Variants in PPP6C observed in about 807,000 individuals in gnomAD.
The protein encoded by PPP6C is serine/threonine-protein phosphatase 6 catalytic subunit.
Under a neutral mutation model 39.8 loss-of-function variants are expected in PPP6C, and 11 were observed. The ratio of observed to expected loss-of-function variants is 0.28; its 90% CI spans 0.17 to 0.46. The LOEUF (loss-of-function observed/expected upper bound fraction) is 0.46. PPP6C is among the 20% of genes least tolerant of loss of function. The probability of loss-of-function intolerance (pLI) is 1.00; values close to 1 mark genes in which losing one functional copy is unlikely to be tolerated. For missense variants in PPP6C, 211 were observed against 373.9 expected, an observed-to-expected ratio of 0.56 and a Z score of 3.59; for synonymous variants, 129 against 130.3, an observed-to-expected ratio of 0.99 and a Z score of 0.07.
chr9:125,151,753 A>T (rs749740484), intron 6 of PPP6C, among the ~76,000 whole-genome samples: 13 of 152,200 alleles, frequency 8.5e-5, no homozygotes, highest in Non-Finnish European at 1.8e-4. Flanking sequence ...AGAAAGAAGG[A>T]TTGAGATTAA....
At chr9:125,151,026 C>T (rs1467064106) in intron 6 of PPP6C, 1 of 1,373,322 alleles carries the variant, frequency 7.3e-7, no homozygotes, top group East Asian at 2.3e-5. Context: ...TCACCATGGA[C>T]CTACATGCTT....
chr9:125,178,529 G>A (rs1829354013), intron 1 of PPP6C, among the ~76,000 whole-genome samples: 1 of 151,980 alleles, frequency 6.6e-6, no homozygotes, highest in Non-Finnish European at 1.5e-5. Context: ...TTCTTTAAGG[G>A]ACAAACCAGG....
chr9:125,171,474 CACACATATATATATATATATATATAT>C (rs1422103195), intron 1 of PPP6C, among the ~76,000 whole-genome samples: 3 of 30,852 alleles, frequency 9.7e-5, no homozygotes, highest in Non-Finnish European at 2.0e-4. Flanking sequence ...CACACACACA[CACACATATATATATATATATATATAT>C]ATATATATAT....
chr9:125,160,886 C>T lies in PPP6C; in HGVS notation c.192G>A (p.Leu64=). Residue 64 remains leucine, a synonymous_variant, in exon 3 of 7, where the codon CTG becomes CTA. Transcript: ENST00000373547. Reference sequence around the variant, plus strand: ...CAGGAACCTGACCTCCAGTTCTGAACAGTTCACAAAGGTCATAAAACTATA... The same window carrying T: ...CAGGAACCTGACCTCCAGTTCTGAATAGTTCACAAAGGTCATAAAACTATA... ...IHGQFYDLCE[L]FRTGGQVPDT... 1.3e-6 allele frequency: 2 copies of T among 1,590,562 alleles called. No individual in the cohort carries two copies. The highest frequency in any genetic ancestry group is 1.7e-6 in the Non-Finnish European group (2 of 1,170,818).
intron 2 of PPP6C, 75 bp downstream of exon 2, chr9:125,171,010 A>G (rs927458882): frequency 2.0e-6 from 2 of 987,412 alleles, no homozygotes; most frequent in South Asian, 2.7e-5. Flanking sequence ...TGTTGTTTTA[A>G]TTTTGCAGCA....
chr9:125,167,396 AAAAGAAAT>A (rs1564152124), intron 2 of PPP6C, among the ~76,000 whole-genome samples: 39 of 143,568 alleles, frequency 2.7e-4, no homozygotes, highest in African/African-American at 6.1e-4. Flanking sequence ...AAAAAAAAAA[AAAAGAAAT>A]AAAAAAAAGG....
chr9:125,180,835 T>A (rs951844092), intron 1 of PPP6C, among the ~76,000 whole-genome samples: 13 of 152,220 alleles, frequency 8.5e-5, no homozygotes, highest in African/African-American at 3.1e-4. Flanking sequence ...CACTATGTGC[T>A]AGCCTGAAAA....
In PPP6C at chr9:125,153,685, G is replaced by A. The variant is rs772797626; in HGVS notation, c.517C>T (p.Leu173=). 1 of 1,614,150 alleles carries A rather than the reference G, an allele frequency of 6.2e-7. No individual in the cohort carries two copies. The highest frequency in any genetic ancestry group is 2.2e-5 in the East Asian group (1 of 44,886). ...CGTTCGATGGTTCGAATTTGATCCA[G>A]TGTTTTGATATCAGGAGATAAACCA... The part of the protein sequence containing the change: ...HGGLSPDIKT[L]DQIRTIERNQ... The change falls in exon 6 of 7, where the codon CTG becomes TTG. Residue 173 remains leucine (L), a synonymous_variant. Transcript: ENST00000373547.
At chr9:125,160,816 C>T (rs1256994631) in intron 3 of PPP6C, 25 bp downstream of exon 3, 2 of 1,494,550 alleles carry the variant, frequency 1.3e-6, no homozygotes, top group Non-Finnish European at 9.1e-7. Context: ...TAAACAAGCA[C>T]TTGATATCAC....
intron 2 of PPP6C, among the ~76,000 whole-genome samples, chr9:125,165,226 A>T (rs1828986127): frequency 6.6e-6 from 1 of 152,108 alleles, no homozygotes; most frequent in South Asian, 2.1e-4. Flanking sequence ...AAATATTTAA[A>T]TGAATTTTTA....
At chr9:125,165,706 A>G (rs748456361) in intron 2 of PPP6C, among the ~76,000 whole-genome samples, 8 of 152,124 alleles carry the variant, frequency 5.3e-5, no homozygotes, top group Non-Finnish European at 1.0e-4. Context: ...TACTCTTTAA[A>G]TACTGTACCA....
chr9:125,156,740 G>GCTCA (rs1554721200), intron 4 of PPP6C, among the ~76,000 whole-genome samples: 1 of 134,092 alleles, frequency 7.5e-6, no homozygotes, highest in Non-Finnish European at 1.5e-5. Flanking sequence ...TTCCTAATAA[G>GCTCA]CTCGCTCTCT....
chr9:125,166,786 A>C (rs1829023811), intron 2 of PPP6C, among the ~76,000 whole-genome samples: 1 of 152,052 alleles, frequency 6.6e-6, no homozygotes, highest in Non-Finnish European at 1.5e-5. Context: ...TGGTGCTGGG[A>C]TTACAGGTGT....
In PPP6C at chr9:125,179,654, TC is replaced by T. The variant is rs1160827011; in HGVS notation, c.76-8475del. Among the ~76,000 whole-genome samples the T allele has an allele frequency of 1.1e-4, 15 of 136,604 alleles. 1 individual carries two copies. In the Admixed American group the frequency reaches 1.1e-3, roughly 10 times the overall value. 89.6% of individuals were successfully genotyped at this position (136,604 alleles called of 152,430 possible). A position where few individuals can be genotyped will look rare whatever the true frequency, so the allele number is the denominator to read the frequency against. On this transcript the variant is annotated intron_variant, in intron 1 of 6. Transcript: ENST00000373547. ...TCATCCAGCTTTCCTTTTCTCTCTC[TC>T]TTTTTTTTTTTTTTTTTGGAAACAA...
In PPP6C at chr9:125,149,918, C is replaced by A; in HGVS notation, c.673G>T (p.Val225Phe). The change falls in exon 7 of 7, where the codon GTT (valine) becomes TTT (phenylalanine). Residue 225 changes from valine (V) to phenylalanine (F), a missense_variant. Val to Phe is a conservative substitution (Grantham distance 50, BLOSUM62 -1). This residue lies in a region of PPP6C where 168 missense variants were observed against 342.6 expected (regional missense o/e 0.49). Transcript: ENST00000373547. ...LFGAKVTNEF[V>F]HINNLKLICR... ...ATGAGTTTTAAGTTGTTGATATGAA[C>A]AAACTGCAATTTAGAAAGGCACTGT... 1.9e-6 allele frequency: 3 copies of A among 1,612,702 alleles called. No homozygotes were observed. Among genetic ancestry groups the A allele is most frequent in the Non-Finnish European group, 2.5e-6 (3 of 1,179,170 alleles).
At position 125,189,532 on chromosome 9, in the gene PPP6C, G is replaced by A; in HGVS notation, c.75+112C>T. 7.2e-6 allele frequency: 11 copies of A among 1,532,464 alleles called. No homozygotes were observed. In the South Asian group the frequency reaches 1.3e-4, roughly 18 times the overall value. The allele number at this position is 1,532,464 out of a possible 1,614,324, so 94.9% of individuals were successfully genotyped here. The stretch of plus-strand genomic sequence containing the variant: ...AGGACCGGGTCGACTGGCAATGGGG[G>A]AGGCCCTCCACCGCGACTGGACTGG... On this transcript the variant is annotated intron_variant, in intron 1 of 6. Coordinates refer to ENST00000373547, the MANE Select transcript of PPP6C (RefSeq NM_002721.5).
At chr9:125,168,178 A>G (rs1423263391) in intron 2 of PPP6C, among the ~76,000 whole-genome samples, 3 of 152,150 alleles carry the variant, frequency 2.0e-5, no homozygotes, top group Admixed American at 2.0e-4. Context: ...TTTGTGAGCT[A>G]GCTGAAATGG....
intron 1 of PPP6C, among the ~76,000 whole-genome samples, chr9:125,177,643 C>T (rs114612370): frequency 2.6e-4 from 39 of 152,258 alleles, no homozygotes; most frequent in African/African-American, 7.9e-4. Flanking sequence ...TTGAGTGGTA[C>T]GTTTGTTACA....
At chr9:125,172,744 C>A (rs917440981) in intron 1 of PPP6C, among the ~76,000 whole-genome samples, 18 of 141,704 alleles carry the variant, frequency 1.3e-4, no homozygotes, top group East Asian at 1.2e-3. Flanking sequence ...CACACACACA[C>A]ACACACAAAC....
Sources: gnomAD v4.1 joint callset for allele counts (sites outside exome capture counted in the v4.1 genomes callset) on GRCh38, gnomAD v4.1.1 for gene constraint, gnomAD v4.1.1 regional missense constraint, MANE v1.5 for transcripts, NCBI Gene and HGNC (gene_info 2026-07-23, HGNC 2026-07-21) for gene names.